Variants in AKR1B1 observed in about 807,000 individuals in gnomAD.
AKR1B1 encodes aldo-keto reductase family 1 member B.
AKR1B1 carries 22 observed loss-of-function variants against 40.4 expected under a neutral mutation model. The ratio of observed to expected loss-of-function variants is 0.54; its 90% CI spans 0.39 to 0.78. The LOEUF (loss-of-function observed/expected upper bound fraction) is 0.78, where lower values mean the gene tolerates loss of function less well. Among genes scored for constraint, AKR1B1 ranks in the 30% least tolerant of loss-of-function variants. The pLI, the probability that AKR1B1 is intolerant of heterozygous loss-of-function variation, is 0.00. For missense variants in AKR1B1, 357 were observed against 396.7 expected, an observed-to-expected ratio of 0.90 and a Z score of 0.85; for synonymous variants, 157 against 149.9, an observed-to-expected ratio of 1.05 and a Z score of -0.35.
chr7:134,450,647 A>G, intron 3 of AKR1B1, 139 bp downstream of exon 3: 2 of 762,054 alleles, frequency 2.6e-6, no homozygotes, highest in South Asian at 2.8e-5. Flanking sequence ...AGGTGATGCC[A>G]GTGCTGATGG....
chr7:134,444,683 T>G (rs1806045258), intron 9 of AKR1B1: 1 of 165,042 alleles, frequency 6.1e-6, no homozygotes, highest in Non-Finnish European at 1.3e-5. Context: ...ACAGAAAACC[T>G]TCCTAGGCAG....
intron 1 of AKR1B1, among the ~76,000 whole-genome samples, chr7:134,453,744 G>T (rs576059527): frequency 6.0e-4 from 91 of 152,282 alleles, no homozygotes; most frequent in African/African-American, 2.0e-3. Flanking sequence ...CTGGAGACAT[G>T]TGTGCTGGGA....
At chr7:134,450,725 A>G (rs1042242514) in intron 3 of AKR1B1, 61 bp downstream of exon 3, 1 of 1,342,762 alleles carries the variant, frequency 7.4e-7, no homozygotes, top group South Asian at 1.2e-5. Context: ...AGGGAGCTCA[A>G]AACACACCAC....
chr7:134,447,224 A>C, intron 8 of AKR1B1, 74 bp downstream of exon 8: 9 of 1,315,430 alleles, frequency 6.8e-6, no homozygotes, highest in Non-Finnish European at 8.8e-6. Context: ...ATGACACTCC[A>C]GAGACAGGAT....
At chr7:134,447,948 T>A (rs1455960231) in intron 7 of AKR1B1, 32 bp downstream of exon 7, 1 of 1,585,230 alleles carries the variant, frequency 6.3e-7, no homozygotes, top group Non-Finnish European at 8.6e-7. Flanking sequence ...CAGGCAGTTG[T>A]GGACGGTCAG....
At position 134,449,029 on chromosome 7, in the gene AKR1B1, G is replaced by T. The variant is rs905427503; in HGVS notation, c.520C>A (p.Pro174Thr). Residue 174 changes from proline (P) to threonine (T), a missense_variant, in exon 5 of 10, where the codon CCT (proline) becomes ACT (threonine). By Grantham distance (38) the Pro-to-Thr change is conservative (BLOSUM62 -1). Coordinates refer to ENST00000285930, the MANE Select transcript of AKR1B1 (RefSeq NM_001628.4). Reference protein sequence around the residue: ...HLQVEMILNKPGLKYKPAVNQ... With the variant: ...HLQVEMILNKTGLKYKPAVNQ... ...ACTGCAGGCTTATACTTCAAGCCAGGTTTGTTTAAGATCATCTCCACCTGG... is the reference window on the plus strand; with the variant it reads ...ACTGCAGGCTTATACTTCAAGCCAGTTTTGTTTAAGATCATCTCCACCTGG... 3 of 1,614,112 alleles carry T rather than the reference G, an allele frequency of 1.9e-6. No homozygotes were observed. Among genetic ancestry groups the T allele is most frequent in the Non-Finnish European group, 2.5e-6 (3 of 1,180,004 alleles).
At chr7:134,455,256 G>T (rs1472131388) in intron 1 of AKR1B1, among the ~76,000 whole-genome samples, 1 of 152,126 alleles carries the variant, frequency 6.6e-6, no homozygotes, top group Non-Finnish European at 1.5e-5. Flanking sequence ...TGACCCTCTA[G>T]AAGGCTACTG....
intron 1 of AKR1B1, among the ~76,000 whole-genome samples, chr7:134,456,842 TATG>T (rs1461828346): frequency 1.3e-5 from 2 of 152,250 alleles, no homozygotes; most frequent in African/African-American, 4.8e-5. Flanking sequence ...GTACAGATGT[TATG>T]ATGTGATGTT....
At chr7:134,445,036 T>C (rs896065460) in intron 9 of AKR1B1, 18 of 651,434 alleles carry the variant, frequency 2.8e-5, no homozygotes, top group African/African-American at 2.7e-4. Context: ...TGGAAGAAGA[T>C]ATCAAGAGCG....
chr7:134,450,909 C>T lies in AKR1B1; in HGVS notation c.235-7G>A, dbSNP rs771807907. ...CATGGTACGTGCACCACAGCTAAGC[C>T]AGCGAGAGGGCACATGTCATCATTG... On this transcript the variant is annotated splice_polypyrimidine_tract_variant and splice_region_variant and intron_variant, in intron 2 of 9. Transcript: ENST00000285930. The T allele has an allele frequency of 3.7e-6, 6 of 1,611,356 alleles. No individual in the cohort carries two copies. The African/African-American group carries it at 8.0e-5, about 22-fold the overall frequency.
At chr7:134,454,267 T>G (rs926751799) in intron 1 of AKR1B1, among the ~76,000 whole-genome samples, 1 of 152,246 alleles carries the variant, frequency 6.6e-6, no homozygotes, top group African/African-American at 2.4e-5. Context: ...TGAAATGCTC[T>G]GGGCTGATGG....
intron 2 of AKR1B1, 145 bp from the exon 3 acceptor site, chr7:134,451,047 T>G (rs1455551225): frequency 2.7e-6 from 2 of 731,004 alleles, no homozygotes; most frequent in African/African-American, 1.7e-5. Context: ...CACTGCGTAC[T>G]GGATCCTAAC....
At chr7:134,447,849 T>C in intron 7 of AKR1B1, 131 bp downstream of exon 7, 1 of 821,140 alleles carries the variant, frequency 1.2e-6, no homozygotes, top group Admixed American at 2.0e-5. Context: ...CTTTCCACTC[T>C]GTACTTGAGG....
intron 9 of AKR1B1, 136 bp downstream of exon 9, chr7:134,445,102 G>GAAAGCAAGGTAATGTGC (rs1347481994): frequency 3.7e-6 from 3 of 807,276 alleles, no homozygotes; most frequent in African/African-American, 3.4e-5. Flanking sequence ...ACGTGGCTGA[G>GAAAGCAAGGTAATGTGC]AAAGCAAGGT....
At chr7:134,452,544 C>T (rs1806320025) in intron 1 of AKR1B1, among the ~76,000 whole-genome samples, 2 of 152,148 alleles carry the variant, frequency 1.3e-5, no homozygotes, top group South Asian at 2.1e-4. Flanking sequence ...CTGTGGGGAG[C>T]CTGGCTACTG....
Position 134,445,334 on chromosome 7 carries a change from A to G in AKR1B1, c.826-14T>C. On this transcript the variant is annotated splice_polypyrimidine_tract_variant and intron_variant, in intron 8 of 9. Coordinates refer to ENST00000285930, the MANE Select transcript of AKR1B1 (RefSeq NM_001628.4). The stretch of plus-strand genomic sequence containing the variant: ...AAAGTCAAAGACCTAAAAAACAAAC[A>G]AAAAAATCCAGTAAGCTCTGCAAAT... 1 of 1,605,412 alleles carries G rather than the reference A, an allele frequency of 6.2e-7. No homozygotes were observed. Among genetic ancestry groups the G allele is most frequent in the Non-Finnish European group, 8.5e-7 (1 of 1,174,668 alleles).
intron 9 of AKR1B1, 25 bp downstream of exon 9, chr7:134,445,213 G>A (rs1376800649): frequency 6.3e-7 from 1 of 1,595,402 alleles, no homozygotes; most frequent in Non-Finnish European, 8.6e-7. Flanking sequence ...CCTGGGAACT[G>A]CTCCTCACAC....
chr7:134,455,691 C>A (rs1456705247), intron 1 of AKR1B1, among the ~76,000 whole-genome samples: 3 of 151,904 alleles, frequency 2.0e-5, no homozygotes, highest in Admixed American at 6.6e-5. Flanking sequence ...TCAAGTGATT[C>A]TCCTGCCTCA....
chr7:134,459,045 C>G lies in AKR1B1; in HGVS notation c.18G>C (p.Leu6=). The G allele has an allele frequency of 2.5e-6, 4 of 1,607,118 alleles. No homozygotes were observed. In the East Asian group the frequency reaches 9.0e-5, roughly 36 times the overall value. MASRL[L]LNNGAKMPIL... is the part of the protein sequence containing the mutation. ...TGGGCATCTTGGCGCCGTTGTTGAG[C>G]AGGAGACGGCTTGCCATGGCTGCTG... is the stretch of plus-strand genomic sequence containing the variant. Residue 6 remains leucine (L), a synonymous_variant, in exon 1 of 10, where the codon CTG becomes CTC. Coordinates refer to ENST00000285930, the MANE Select transcript of AKR1B1 (RefSeq NM_001628.4).
Sources: allele counts gnomAD v4.1 joint callset (sites outside exome capture counted in the v4.1 genomes callset), GRCh38; gene constraint gnomAD v4.1.1; transcripts MANE v1.5; gene names NCBI Gene and HGNC (gene_info 2026-07-23, HGNC 2026-07-21).